RSF1: variants seen among roughly 807,000 people sequenced by gnomAD.
RSF1 encodes remodeling and spacing factor 1.
In RSF1, 13 loss-of-function variants were observed where a neutral mutation model predicts 145.2. The observed-to-expected ratio is 0.09, with a 90% CI of 0.06 to 0.14. RSF1 has a LOEUF of 0.14. Ranked by LOEUF, RSF1 falls within the 10% of genes least tolerant of loss-of-function variation. RSF1 has a pLI of 1.00. For missense variants in RSF1, 1,517 were observed against 1,718.2 expected, an observed-to-expected ratio of 0.88 and a Z score of 2.07; for synonymous variants, 577 against 592.6, an observed-to-expected ratio of 0.97 and a Z score of 0.38.
chr11:77,673,683 T>C (rs1021841126), intron 14 of RSF1, among the ~76,000 whole-genome samples: 8 of 152,114 alleles, frequency 5.3e-5, no homozygotes, highest in African/African-American at 1.9e-4. Context: ...AGGTGAAATA[T>C]AAGGAAAAGG....
intron 1 of RSF1, chr11:77,813,749 T>A (rs963170188): frequency 9.6e-6 from 3 of 311,576 alleles, no homozygotes; most frequent in Non-Finnish European, 1.9e-5. Context: ...AGCAGGAGCC[T>A]GCGGATCACA....
At chr11:77,813,763 C>A in intron 1 of RSF1, 1 of 286,248 alleles carries the variant, frequency 3.5e-6, no homozygotes, top group Non-Finnish European at 7.0e-6. Flanking sequence ...GATCACAGAG[C>A]CGCAGCACCT....
At chr11:77,746,126 A>G (rs142348142) in intron 3 of RSF1, among the ~76,000 whole-genome samples, 6 of 152,270 alleles carry the variant, frequency 3.9e-5, no homozygotes, top group Admixed American at 6.5e-5. Flanking sequence ...GGGATTAATA[A>G]AAGTTATGAG....
intron 1 of RSF1, among the ~76,000 whole-genome samples, chr11:77,788,162 A>AAAAG (rs1392159410): frequency 7.3e-6 from 1 of 137,378 alleles, no homozygotes; most frequent in Non-Finnish European, 1.6e-5. Flanking sequence ...AAAAAAAAAA[A>AAAAG]AAAAAAAAAA....
the RSF1 span, among the ~76,000 whole-genome samples, chr11:77,858,832 G>C: frequency 5.4e-4 from 82 of 152,264 alleles, no homozygotes; most frequent in African/African-American, 1.9e-3. Context: ...ACTGCATCGG[G>C]GACTCCATTT....
At chr11:77,700,222 G>A (rs193040692) in intron 6 of RSF1, among the ~76,000 whole-genome samples, 7 of 151,760 alleles carry the variant, frequency 4.6e-5, no homozygotes, top group Admixed American at 3.3e-4. Flanking sequence ...GTGGTGGCAC[G>A]CTCCTGTAGT....
At chr11:77,852,661 C>T in the RSF1 span, among the ~76,000 whole-genome samples, 6 of 152,296 alleles carry the variant, frequency 3.9e-5, no homozygotes, top group East Asian at 1.2e-3. Flanking sequence ...TCCCACCTCA[C>T]TCCATGTAGG....
chr11:77,796,157 T>G (rs1486214483), intron 1 of RSF1, among the ~76,000 whole-genome samples: 2 of 152,124 alleles, frequency 1.3e-5, no homozygotes, highest in Non-Finnish European at 2.9e-5. Flanking sequence ...CTAACGCATT[T>G]TATGAGGCCA....
intron 5 of RSF1, among the ~76,000 whole-genome samples, chr11:77,706,199 C>A: frequency 6.7e-6 from 1 of 150,042 alleles, no homozygotes; most frequent in East Asian, 2.0e-4. Context: ...TGAGATTGCC[C>A]CACTGCACTC....
At chr11:77,742,487 T>C (rs1479860689) in intron 3 of RSF1, among the ~76,000 whole-genome samples, 5 of 152,094 alleles carry the variant, frequency 3.3e-5, no homozygotes, top group African/African-American at 1.2e-4. Context: ...ATCATGTTGG[T>C]CAGGATGGTC....
chr11:77,706,428 A>AT (rs898757938), intron 5 of RSF1, among the ~76,000 whole-genome samples: 19 of 151,050 alleles, frequency 1.3e-4, no homozygotes, highest in South Asian at 6.3e-4. Context: ...AGCTGTGAGG[A>AT]TTTTTTTTTC....
intron 4 of RSF1, among the ~76,000 whole-genome samples, chr11:77,735,883 G>A (rs990568401): frequency 6.6e-6 from 1 of 152,156 alleles, no homozygotes; most frequent in Admixed American, 6.6e-5. Flanking sequence ...GGGACTACAG[G>A]CACACGCCAC....
chr11:77,812,690 C>A lies in RSF1; in HGVS notation c.187+7838G>T, dbSNP rs192404228. On this transcript the variant is annotated intron_variant, in intron 1 of 15. Coordinates refer to ENST00000308488, the MANE Select transcript of RSF1 (RefSeq NM_016578.4). ...CACTTGAGGTCAGGAGTTTTTGAGA[C>A]CAGCCTGGCCAACATGGCGAAACCC... 4.1e-3 allele frequency among the ~76,000 whole-genome samples: 620 copies of A among 152,148 alleles called. 5 individuals carry two copies. The highest frequency in any genetic ancestry group is 0.01 in the South Asian group (49 of 4,822).
chr11:77,777,072 TAAAC>T (rs1948349854), intron 1 of RSF1, among the ~76,000 whole-genome samples: 1 of 152,148 alleles, frequency 6.6e-6, no homozygotes, highest in South Asian at 2.1e-4. Context: ...TCACCTCACT[TAAAC>T]AATTATAAAT....
the RSF1 span, among the ~76,000 whole-genome samples, chr11:77,867,437 A>G: frequency 6.6e-6 from 1 of 152,132 alleles, no homozygotes; most frequent in African/African-American, 2.4e-5. Flanking sequence ...TTCTCATCCT[A>G]CTACAAATAT....
At chr11:77,728,549 G>A (rs1020340316) in intron 4 of RSF1, among the ~76,000 whole-genome samples, 10 of 150,894 alleles carry the variant, frequency 6.6e-5, no homozygotes, top group African/African-American at 2.2e-4. Context: ...AAGGGAAGAG[G>A]AAAGGGAAGG....
intron 2 of RSF1, chr11:77,762,391 C>G (rs1338620746): frequency 6.6e-6 from 1 of 152,208 alleles, no homozygotes; most frequent in East Asian, 1.9e-4. Flanking sequence ...TTCCAAATAG[C>G]TCTTACATCC....
At chr11:77,822,401 C>G (rs1159605331), upstream of RSF1, among the ~76,000 whole-genome samples, 1 of 102,724 alleles carries the variant, frequency 9.7e-6, no homozygotes, top group Non-Finnish European at 1.7e-5. Context: ...AGCGACAGAG[C>G]AAGACTCCAC....
intron 1 of RSF1, among the ~76,000 whole-genome samples, chr11:77,820,246 C>A (rs1449992510): frequency 6.6e-6 from 1 of 152,154 alleles, no homozygotes; most frequent in Non-Finnish European, 1.5e-5. Flanking sequence ...GGCTGCCGAC[C>A]GGCACAATGA....
Sources: gnomAD v4.1 joint callset for allele counts (sites outside exome capture counted in the v4.1 genomes callset) on GRCh38, gnomAD v4.1.1 for gene constraint, MANE v1.5 for transcripts, NCBI Gene and HGNC (gene_info 2026-07-23, HGNC 2026-07-21) for gene names.